Variants in DNAH9 observed in about 807,000 individuals in gnomAD.
DNAH9 encodes the protein DNAH9 variant protein.
DNAH9 carries 345 observed loss-of-function variants against 471.6 expected under a neutral mutation model. The observed-to-expected ratio is 0.73, with a 90% confidence interval of 0.67 to 0.80. The LOEUF (loss-of-function observed/expected upper bound fraction) is 0.80, where lower values mean the gene tolerates loss of function less well. DNAH9 is among the 30% of genes least tolerant of loss of function. The pLI, the probability that DNAH9 is intolerant of heterozygous loss-of-function variation, is 0.00. For synonymous variants in DNAH9, 2,093 were observed against 2,123.6 expected (o/e 0.99, Z 0.40); for missense variants, 5,407 against 5,609.2 (o/e 0.96, Z 1.15).
In DNAH9 at chr17:11,666,873, G is replaced by C. The variant is rs552401756; in HGVS notation, c.2731+1905G>C. On this transcript the variant is annotated intron_variant, in intron 15 of 68. Transcript: ENST00000262442. Reference sequence around the variant, plus strand: ...TCTTTGACCTTTGGAGTCTAGAGCAGAGCAGGGGCTTCTATGACATTGTTG... The same window carrying C: ...TCTTTGACCTTTGGAGTCTAGAGCACAGCAGGGGCTTCTATGACATTGTTG... Among the ~76,000 whole-genome samples the C allele has an allele frequency of 2.2e-4, 34 of 152,328 alleles. 1 individual carries two copies. In the South Asian group the frequency reaches 7.0e-3, roughly 32 times the overall value.
chr17:11,786,217 T>C (rs1317351096), intron 41 of DNAH9, among the ~76,000 whole-genome samples: 1 of 152,192 alleles, frequency 6.6e-6, no homozygotes, highest in African/African-American at 2.4e-5. Context: ...GGAACAGTGG[T>C]CTTGTCCCCT....
At chr17:11,648,438 G>C (rs909788952) in intron 12 of DNAH9, among the ~76,000 whole-genome samples, 14 of 152,162 alleles carry the variant, frequency 9.2e-5, no homozygotes, top group Non-Finnish European at 1.8e-4. Context: ...TGAATATCTG[G>C]ATTACCAAGT....
chr17:11,846,915 G>T (rs1486267550), intron 49 of DNAH9, among the ~76,000 whole-genome samples: 1 of 145,046 alleles, frequency 6.9e-6, no homozygotes, highest in Non-Finnish European at 1.5e-5. Context: ...CTGAGACAGT[G>T]GGGTTTTCTA....
intron 29 of DNAH9, among the ~76,000 whole-genome samples, chr17:11,741,935 G>A (rs1490233155): frequency 1.3e-5 from 2 of 152,182 alleles, no homozygotes; most frequent in Non-Finnish European, 2.9e-5. Context: ...TTAAGAAGGC[G>A]ACTTCATTTC....
rs747356088 is a variant in DNAH9 at position 11,617,546 on chromosome 17, C to T, written c.1040C>T (p.Ala347Val). The T allele has an allele frequency of 1.2e-4, 186 of 1,614,068 alleles. 5 individuals are homozygous for T. In the South Asian group the frequency reaches 2.0e-3, roughly 17 times the overall value. ...PLLHVVCLIW[A>V]TCKSYRSPGR... Reference sequence around the variant, plus strand: ...CTCCACGTGGTCTGTCTGATTTGGGCCACATGCAAGTCCTACCGCTCCCCG... The same window carrying T: ...CTCCACGTGGTCTGTCTGATTTGGGTCACATGCAAGTCCTACCGCTCCCCG... The change falls in exon 5 of 69, where the codon GCC becomes GTC. Residue 347 changes from alanine (A) to valine (V), a missense_variant. Around this residue, in one of 3 missense-constraint regions of DNAH9, gnomAD observed 767 missense variants for 692.5 expected, o/e 1.11. Transcript: ENST00000262442.
Position 11,619,416 on chromosome 17 carries a change from A to G in DNAH9, c.1117-132A>G, listed in dbSNP as rs2072808540. On this transcript the variant is annotated intron_variant, in intron 5 of 68. Transcript: ENST00000262442. ...GTCGCAGTCCACATGTGGAATGGAA[A>G]GCGAGGTCAGATGTTTCCTCTATTA... 5 of 665,748 alleles carry G rather than the reference A, an allele frequency of 7.5e-6. 1 individual carries two copies. The South Asian group carries it at 9.1e-5, about 12-fold the overall frequency. The allele number at this position is 665,748 out of a possible 1,614,324, so 41.2% of individuals were successfully genotyped here. A position where few individuals can be genotyped will look rare whatever the true frequency, so the allele number is the denominator to read the frequency against.
At chr17:11,823,929 C>CAAAAA (rs369941815) in intron 48 of DNAH9, among the ~76,000 whole-genome samples, 8 of 128,710 alleles carry the variant, frequency 6.2e-5, no homozygotes, top group African/African-American at 1.7e-4. Flanking sequence ...GACTCCATCT[C>CAAAAA]AAAAAAAAAA....
At chr17:11,918,733 C>T (rs571078714) in intron 61 of DNAH9, among the ~76,000 whole-genome samples, 1,836 of 152,248 alleles carry the variant, frequency 0.012, 13 homozygotes, top group South Asian at 0.029. Context: ...TGCCTATAAT[C>T]CCAGCACTTT....
rs547023975 is a variant in DNAH9, at chr17:11,934,435, A to ATTTTTTTTTTTT, written c.12489+381_12489+392dup. 4.5e-4 allele frequency among the ~76,000 whole-genome samples: 39 copies of ATTTTTTTTTTTT among 86,032 alleles called. 3 individuals are homozygous for ATTTTTTTTTTTT. Among genetic ancestry groups the ATTTTTTTTTTTT allele is most frequent in the Non-Finnish European group, 6.7e-4 (30 of 44,592 alleles). 56.4% of individuals were successfully genotyped at this position (86,032 alleles called of 152,430 possible). A position where few individuals can be genotyped will look rare whatever the true frequency, so the allele number is the denominator to read the frequency against. On this transcript the variant is annotated intron_variant, in intron 65 of 68. Transcript: ENST00000262442. ...TTTCACTTGGGATGTTGACAAACCC[A>ATTTTTTTTTTTT]TTTTTTTTTTTTTTTTTTTTTTTTT...
intron 14 of DNAH9, 77 bp from the exon 15 acceptor site, chr17:11,664,756 T>G: frequency 7.9e-7 from 1 of 1,259,998 alleles, no homozygotes; most frequent in Non-Finnish European, 1.1e-6. Flanking sequence ...ATATGTTGTT[T>G]TTATTTTGAC....
intron 11 of DNAH9, 119 bp from the exon 12 acceptor site, chr17:11,646,953 G>T: frequency 1.0e-6 from 1 of 990,804 alleles, no homozygotes. Flanking sequence ...CTCAGAAGCT[G>T]ACCCAGCCTG....
intron 19 of DNAH9, among the ~76,000 whole-genome samples, chr17:11,687,219 A>G (rs2074256741): frequency 6.6e-6 from 1 of 152,212 alleles, no homozygotes; most frequent in Non-Finnish European, 1.5e-5. Flanking sequence ...TGCAAATGAT[A>G]GTCCCATTCT....
rs772352224 is a variant in DNAH9 at position 11,930,062 on chromosome 17, A to G, written c.12074A>G (p.Asn4025Ser). 1.4e-5 allele frequency: 23 copies of G among 1,614,018 alleles called. No homozygotes were observed. In the African/African-American group the frequency reaches 2.0e-4, roughly 14 times the overall value. Residue 4025 changes from asparagine to serine, a missense_variant, in exon 63 of 69, where the codon AAC becomes AGC. By Grantham distance (46) the Asn-to-Ser change is conservative. This residue lies in a region of DNAH9 where 4,636 missense variants were observed against 4,900.3 expected (regional missense o/e 0.95). Transcript: ENST00000262442. ...TNEPPTGMHA[N>S]LHKALDNFTQ... ...GAGCCCCCCACGGGCATGCATGCCA[A>G]CCTGCACAAGGCCCTGGACAACTTC...
chr17:11,808,430 C>T (rs1400444550), intron 44 of DNAH9, among the ~76,000 whole-genome samples: 1 of 152,126 alleles, frequency 6.6e-6, no homozygotes, highest in Non-Finnish European at 1.5e-5. Context: ...ATGGCCACAA[C>T]AGTCTTGGTA....
intron 46 of DNAH9, 52 bp downstream of exon 46, chr17:11,822,114 G>T: frequency 6.4e-7 from 1 of 1,569,660 alleles, no homozygotes; most frequent in Non-Finnish European, 8.6e-7. Flanking sequence ...TGATTCATGG[G>T]AGCTTCCACT....
At chr17:11,810,657 G>A (rs565183258) in intron 45 of DNAH9, among the ~76,000 whole-genome samples, 1 of 152,328 alleles carries the variant, frequency 6.6e-6, no homozygotes, top group Admixed American at 6.5e-5. Context: ...GCTTGGTGAT[G>A]TGCTGTGGAG....
chr17:11,763,153 C>T (rs1199736265), intron 35 of DNAH9, among the ~76,000 whole-genome samples: 4 of 151,668 alleles, frequency 2.6e-5, no homozygotes, highest in Non-Finnish European at 2.9e-5. Flanking sequence ...AGGGGATCAT[C>T]AACAGAAAGA....
rs77556644 is a variant in DNAH9, at chr17:11,807,236, C to A, written c.8421-496C>A. 8.9e-3 allele frequency among the ~76,000 whole-genome samples: 1,356 copies of A among 152,292 alleles called. 18 individuals are homozygous for A. Among genetic ancestry groups the A allele is most frequent in the African/African-American group, 0.031 (1,294 of 41,552 alleles). On this transcript the variant is annotated intron_variant, in intron 43 of 68. Transcript: ENST00000262442. ...TCTGTCCGGGCTCCCTGTTTCTCTCCTGCTGACTTTGGTTTGGCTTCTCTT... is the reference window on the plus strand; with the variant it reads ...TCTGTCCGGGCTCCCTGTTTCTCTCATGCTGACTTTGGTTTGGCTTCTCTT...
intron 57 of DNAH9, 36 bp from the exon 58 acceptor site, chr17:11,891,741 T>C (rs768024935): frequency 1.9e-6 from 3 of 1,609,168 alleles, no homozygotes; most frequent in Non-Finnish European, 2.5e-6. Context: ...GTAAGAGGGC[T>C]GTGTACCTTA....
Sources: gnomAD v4.1 joint callset for allele counts (sites outside exome capture counted in the v4.1 genomes callset) on GRCh38, gnomAD v4.1.1 for gene constraint, gnomAD v4.1.1 regional missense constraint, MANE v1.5 for transcripts, NCBI Gene and HGNC (gene_info 2026-07-23, HGNC 2026-07-21) for gene names.